Variants in MITF observed in about 807,000 individuals in gnomAD.
MITF encodes the protein melanocyte inducing transcription factor.
MITF carries 17 observed loss-of-function variants against 60.5 expected under a neutral mutation model. The observed-to-expected ratio is 0.28, with a 90% CI of 0.19 to 0.42. The LOEUF is 0.42. MITF is among the 10% of genes least tolerant of loss of function. The pLI is 1.00. For missense variants in MITF, 622 were observed against 683.5 expected (o/e 0.91, Z 1.00); for synonymous variants, 260 against 248.5 (o/e 1.05, Z -0.43).
intron 2 of MITF, among the ~76,000 whole-genome samples, chr3:69,899,932 T>C (rs2064960151): frequency 6.6e-6 from 1 of 152,180 alleles, no homozygotes; most frequent in African/African-American, 2.4e-5. Flanking sequence ...ATACAGCAAG[T>C]GTTTTAGAGA....
chr3:69,938,955 A>G (rs2065906543), intron 3 of MITF, 143 bp from the exon 4 acceptor site: 1 of 1,525,446 alleles, frequency 6.6e-7, no homozygotes, highest in East Asian at 2.5e-5. Context: ...TTCTTCCTTC[A>G]TTATTTCATC....
rs549883519 is a variant in MITF, at chr3:69,801,419, A to G, written c.104+61718A>G. Among the ~76,000 whole-genome samples the G allele has an allele frequency of 4.6e-5, 7 of 152,310 alleles. No individual in the cohort carries two copies. In the East Asian group the frequency reaches 1.2e-3, roughly 25 times the overall value. On this transcript the variant is annotated intron_variant, in intron 1 of 9. Transcript: ENST00000352241. The stretch of plus-strand genomic sequence containing the variant: ...GACAATGTCAAATCAATAACAGTAT[A>G]GTTTTCTTATATCCAGGGTCACCAT...
At chr3:69,937,497 A>G (rs1192413931) in intron 2 of MITF, among the ~76,000 whole-genome samples, 1 of 152,056 alleles carries the variant, frequency 6.6e-6, no homozygotes, top group African/African-American at 2.4e-5. Flanking sequence ...AAACCCTTTC[A>G]TGTGTGTTGG....
chr3:69,779,224 G>A (rs940856590), intron 1 of MITF, among the ~76,000 whole-genome samples: 5 of 152,252 alleles, frequency 3.3e-5, no homozygotes, highest in African/African-American at 7.2e-5. Context: ...GGTGTACCCC[G>A]ATGCTGTGTG....
chr3:69,959,460 C>G (rs771207649), intron 9 of MITF, 40 bp downstream of exon 9: 8 of 1,611,756 alleles, frequency 5.0e-6, no homozygotes, highest in Non-Finnish European at 6.8e-6. Context: ...TGCTTTTTAC[C>G]GACTTCAAGA....
chr3:69,955,953 T>C (rs116612966), intron 7 of MITF, among the ~76,000 whole-genome samples: 2,827 of 152,340 alleles, frequency 0.019, 36 homozygotes, highest in Non-Finnish European at 0.031. Context: ...ATTTTGAATT[T>C]TGTCAGTAAA....
chr3:69,740,111 G>A (rs866373468), intron 1 of MITF, among the ~76,000 whole-genome samples: 78 of 152,168 alleles, frequency 5.1e-4, no homozygotes, highest in African/African-American at 1.8e-3. Context: ...GATCCCAGCG[G>A]GTTGAGGGCT....
intron 1 of MITF, among the ~76,000 whole-genome samples, chr3:69,800,019 A>G (rs1386467391): frequency 6.6e-6 from 1 of 152,238 alleles, no homozygotes; most frequent in East Asian, 1.9e-4. Flanking sequence ...TTTTAAATAT[A>G]TTCACTATGT....
chr3:69,939,041 A>G (rs1479960109), intron 3 of MITF, 57 bp from the exon 4 acceptor site: 13 of 1,594,022 alleles, frequency 8.2e-6, no homozygotes, highest in Non-Finnish European at 1.1e-5. Context: ...TGAACAGGTC[A>G]TTAAAAAGTC....
At chr3:69,886,825 G>A (rs564993639) in intron 2 of MITF, among the ~76,000 whole-genome samples, 27 of 152,132 alleles carry the variant, frequency 1.8e-4, no homozygotes, top group African/African-American at 6.0e-4. Context: ...AAGCACTACA[G>A]TGAAAGTTTC....
At chr3:69,797,579 C>G (rs1221908495) in intron 1 of MITF, among the ~76,000 whole-genome samples, 1 of 152,112 alleles carries the variant, frequency 6.6e-6, no homozygotes, top group African/African-American at 2.4e-5. Context: ...CCATTTCACT[C>G]TTTTCTGTTT....
chr3:69,799,470 G>T (rs2062882455), intron 1 of MITF, among the ~76,000 whole-genome samples: 1 of 152,050 alleles, frequency 6.6e-6, no homozygotes, highest in African/African-American at 2.4e-5. Flanking sequence ...TGTTGTTGTT[G>T]TTTTTAAGTC....
At chr3:69,824,965 C>G (rs1179711995) in intron 1 of MITF, among the ~76,000 whole-genome samples, 1 of 152,228 alleles carries the variant, frequency 6.6e-6, no homozygotes, top group African/African-American at 2.4e-5. Context: ...CCCTGTATCT[C>G]TGTCTTAGAG....
At chr3:69,754,027 T>G (rs1000336617) in intron 1 of MITF, among the ~76,000 whole-genome samples, 2 of 152,120 alleles carry the variant, frequency 1.3e-5, no homozygotes, top group Non-Finnish European at 2.9e-5. Context: ...AATGATATGG[T>G]TTGAATCTGT....
At chr3:69,916,459 T>G (rs1199971311) in intron 2 of MITF, among the ~76,000 whole-genome samples, 1 of 152,202 alleles carries the variant, frequency 6.6e-6, no homozygotes, top group Non-Finnish European at 1.5e-5. Flanking sequence ...ATACCTTTCC[T>G]TAATTGACTT....
intron 1 of MITF, among the ~76,000 whole-genome samples, chr3:69,756,321 C>G (rs1053201625): frequency 5.7e-4 from 87 of 152,164 alleles, no homozygotes; most frequent in African/African-American, 1.6e-3. Flanking sequence ...GTGTGATGTT[C>G]CCCTCCCTGT....
intron 1 of MITF, among the ~76,000 whole-genome samples, chr3:69,873,583 A>G (rs2064286112): frequency 6.6e-6 from 1 of 152,154 alleles, no homozygotes. Flanking sequence ...CTCATAGCCT[A>G]TTTGGCAGGA....
chr3:69,858,722 C>G (rs1418573476), intron 1 of MITF, among the ~76,000 whole-genome samples: 2 of 152,146 alleles, frequency 1.3e-5, no homozygotes, highest in African/African-American at 2.4e-5. Context: ...ATATTATTCA[C>G]AGATTTATCT....
intron 2 of MITF, among the ~76,000 whole-genome samples, chr3:69,884,127 C>A (rs977797931): frequency 6.6e-6 from 1 of 152,120 alleles, no homozygotes; most frequent in Non-Finnish European, 1.5e-5. Context: ...TTTTAAATTG[C>A]AGATAATACT....
Sources: gnomAD v4.1 joint callset for allele counts (sites outside exome capture counted in the v4.1 genomes callset) on GRCh38, gnomAD v4.1.1 for gene constraint, MANE v1.5 for transcripts, NCBI Gene and HGNC (gene_info 2026-07-23, HGNC 2026-07-21) for gene names.